WASF3: variants seen among roughly 807,000 people sequenced by gnomAD.
WASF3 encodes the protein actin-binding protein WASF3.
A neutral mutation model predicts 46.6 loss-of-function variants in WASF3; 11 were observed. The ratio of observed to expected loss-of-function variants is 0.24; its 90% CI spans 0.15 to 0.39. WASF3 has a LOEUF of 0.39. Among genes scored for constraint, WASF3 ranks in the 10% least tolerant of loss-of-function variants. The pLI is 1.00. For missense variants in WASF3, 576 were observed against 669.8 expected (o/e 0.86, Z 1.55); for synonymous variants, 242 against 259.7 (o/e 0.93, Z 0.65).
At chr13:26,593,025 A>G (rs980644578) in intron 1 of WASF3, among the ~76,000 whole-genome samples, 2 of 152,058 alleles carry the variant, frequency 1.3e-5, no homozygotes, top group African/African-American at 4.8e-5. Context: ...GCATTTGAGT[A>G]CTGTTTCTAG....
intron 7 of WASF3, 139 bp downstream of exon 7, chr13:26,676,863 T>C: frequency 1.3e-6 from 1 of 791,478 alleles, no homozygotes; most frequent in Non-Finnish European, 1.9e-6. Context: ...TAAAAATTGT[T>C]TATCTGTATT....
chr13:26,584,227 G>C (rs480112), intron 1 of WASF3, among the ~76,000 whole-genome samples: 128,666 of 152,204 alleles, frequency 0.85, 54,409 homozygotes, highest in East Asian at 0.9. Flanking sequence ...CCTTTTCTTG[G>C]TGCTTTTGCT....
At chr13:26,547,524 A>G in the WASF3 span, among the ~76,000 whole-genome samples, 1 of 152,036 alleles carries the variant, frequency 6.6e-6, no homozygotes, top group Admixed American at 6.5e-5. Context: ...TGCATTTGGT[A>G]TCAACTCTGT....
chr13:26,557,379 G>A (rs1879122253), upstream of WASF3, among the ~76,000 whole-genome samples: 1 of 152,194 alleles, frequency 6.6e-6, no homozygotes, highest in African/African-American at 2.4e-5. Flanking sequence ...TGGGCACCTA[G>A]CAATCAGAGG....
chr13:26,569,996 C>T (rs1480382399), intron 1 of WASF3, among the ~76,000 whole-genome samples: 1 of 152,100 alleles, frequency 6.6e-6, no homozygotes, highest in Non-Finnish European at 1.5e-5. Context: ...TTAAATTATA[C>T]CTTGATCAGC....
chr13:26,677,046 T>C (rs1050738210), intron 7 of WASF3, among the ~76,000 whole-genome samples: 5 of 152,232 alleles, frequency 3.3e-5, no homozygotes, highest in African/African-American at 7.2e-5. Context: ...TTAATAATCA[T>C]TTAATTCTTT....
chr13:26,639,728 A>G lies in WASF3; in HGVS notation c.-10-2533A>G, dbSNP rs540552605. The G allele has an allele frequency of 3.3e-5, 5 of 152,386 alleles. No homozygotes were observed. In the East Asian group the frequency reaches 9.6e-4, roughly 29 times the overall value. The allele number at this position is 152,386 out of a possible 1,614,324, so 9.4% of individuals were successfully genotyped here. On this transcript the variant is annotated intron_variant, in intron 2 of 9. Transcript: ENST00000335327. ...AGTGAGGTCAACAGATTAGGAGACAATTGCCATAGAAAAGATAGCTTGTTA... is the reference window on the plus strand; with the variant it reads ...AGTGAGGTCAACAGATTAGGAGACAGTTGCCATAGAAAAGATAGCTTGTTA...
chr13:26,550,340 C>T, the WASF3 span, among the ~76,000 whole-genome samples: 1 of 152,142 alleles, frequency 6.6e-6, no homozygotes, highest in Admixed American at 6.5e-5. Flanking sequence ...CCAGATAACT[C>T]CCTTCGTTGT....
At chr13:26,681,906 C>T (rs1379597776) in intron 8 of WASF3, among the ~76,000 whole-genome samples, 3 of 152,172 alleles carry the variant, frequency 2.0e-5, no homozygotes, top group African/African-American at 7.2e-5. Context: ...CTTCATTCCT[C>T]AGAGTTGGTG....
rs58237286 is a variant in WASF3 at position 26,633,200 on chromosome 13, C to CTTTTTT, written c.-10-9050_-10-9045dup. 3.0e-4 allele frequency among the ~76,000 whole-genome samples: 27 copies of CTTTTTT among 90,434 alleles called. 2 individuals are homozygous for CTTTTTT. Among genetic ancestry groups the CTTTTTT allele is most frequent in the African/African-American group, 8.3e-4 (20 of 24,172 alleles). The allele number at this position is 90,434 out of a possible 152,430, so 59.3% of individuals were successfully genotyped here. On this transcript the variant is annotated intron_variant, in intron 2 of 9. Coordinates refer to ENST00000335327, the MANE Select transcript of WASF3 (RefSeq NM_006646.6). Reference sequence around the variant, plus strand: ...AGTTCTGTTTTGATCTTAGTTATTTCTTTTTTTTTTTTTTTTCTTGAGGCA... The same window carrying CTTTTTT: ...AGTTCTGTTTTGATCTTAGTTATTTCTTTTTTTTTTTTTTTTTTTTTTCTTGAGGCA...
At chr13:26,684,432 A>T (rs555409865) in intron 9 of WASF3, among the ~76,000 whole-genome samples, 1 of 148,822 alleles carries the variant, frequency 6.7e-6, no homozygotes, top group East Asian at 2.0e-4. Context: ...AAACACAAAG[A>T]CTGTGAAGAA....
intron 3 of WASF3, among the ~76,000 whole-genome samples, chr13:26,647,497 C>T: frequency 6.6e-6 from 1 of 151,840 alleles, no homozygotes; most frequent in East Asian, 1.9e-4. Flanking sequence ...TGCTCTTGTT[C>T]CTGTCAGCTA....
the WASF3 span, among the ~76,000 whole-genome samples, chr13:26,541,740 C>T: frequency 3.3e-5 from 5 of 151,112 alleles, no homozygotes; most frequent in Non-Finnish European, 7.4e-5. Context: ...GCGTTGGCCT[C>T]CCAAAGCCCT....
At chr13:26,676,807 A>C in intron 7 of WASF3, 83 bp downstream of exon 7, 1 of 1,388,760 alleles carries the variant, frequency 7.2e-7, no homozygotes, top group Non-Finnish European at 9.7e-7. Context: ...GAAATGCATC[A>C]ATAGCTTCGG....
chr13:26,681,325 C>G lies in WASF3; in HGVS notation c.983+5C>G. ...GATGGCTCCAGCAGACTACGGGTAA[C>G]TCAGCATGCCTTGTACCCTAATCCC... On this transcript the variant is annotated splice_donor_5th_base_variant and intron_variant, in intron 8 of 9. Transcript: ENST00000335327. 6.3e-7 allele frequency: 1 copy of G among 1,576,210 alleles called. No homozygotes were observed. The highest frequency in any genetic ancestry group is 1.2e-5 in the South Asian group (1 of 85,816).
chr13:26,595,604 A>G (rs1880436931), intron 1 of WASF3, among the ~76,000 whole-genome samples: 1 of 152,124 alleles, frequency 6.6e-6, no homozygotes, highest in African/African-American at 2.4e-5. Flanking sequence ...CACCTTCAAG[A>G]TACAGTACTG....
At position 26,682,832 on chromosome 13, in the gene WASF3, C is replaced by T. The variant is rs773041751; in HGVS notation, c.1209C>T (p.Pro403=). The T allele has an allele frequency of 1.2e-6, 2 of 1,610,778 alleles. No individual in the cohort carries two copies. The highest frequency in any genetic ancestry group is 1.7e-6 in the Non-Finnish European group (2 of 1,179,796). ...TAPPPPGPPP[P]PPGPPGPGSS... ...CGCCACCCCCGGGCCCACCACCTCC[C>T]CCGCCAGGCCCTCCTGGTCCCGGGT... Residue 403 remains proline (P), a synonymous_variant, in exon 9 of 10, where the codon CCC becomes CCT. Coordinates refer to ENST00000335327, the MANE Select transcript of WASF3 (RefSeq NM_006646.6). The surrounding 1 kb of genome is among the most constrained non-coding windows in gnomAD (Gnocchi z 4.4).
intron 5 of WASF3, among the ~76,000 whole-genome samples, chr13:26,668,579 C>T (rs967954896): frequency 2.0e-5 from 3 of 152,226 alleles, no homozygotes; most frequent in African/African-American, 7.2e-5. Context: ...GCCCTTTGGC[C>T]CATCTCAGGG....
the WASF3 span, among the ~76,000 whole-genome samples, chr13:26,541,218 G>A: frequency 6.6e-6 from 1 of 152,182 alleles, no homozygotes; most frequent in South Asian, 2.1e-4. Flanking sequence ...GCCCGAGAGA[G>A]GAGTCAGATT....
Sources: allele counts gnomAD v4.1 joint callset (sites outside exome capture counted in the v4.1 genomes callset), GRCh38; gene constraint gnomAD v4.1.1; non-coding constraint Gnocchi (gnomAD v3.1); transcripts MANE v1.5; gene names NCBI Gene and HGNC (gene_info 2026-07-23, HGNC 2026-07-21).